The following ITFG1 variants were observed in gnomAD, a reference collection of about 807,000 sequenced individuals.
ITFG1 encodes the protein integrin alpha FG-GAP repeat containing 1, also known as T-cell immunomodulatory protein.
A neutral mutation model predicts 81.8 loss-of-function variants in ITFG1; 34 were observed. The observed-to-expected ratio is 0.42, with a 90% confidence interval of 0.32 to 0.55. The LOEUF (loss-of-function observed/expected upper bound fraction) is 0.55, where lower values mean the gene tolerates loss of function less well. ITFG1 is among the 20% of genes least tolerant of loss of function. ITFG1 has a pLI of 0.17. For synonymous variants in ITFG1, 285 were observed against 270.6 expected, an observed-to-expected ratio of 1.05 and a Z score of -0.52; for missense variants, 672 against 755.4, an observed-to-expected ratio of 0.89 and a Z score of 1.29.
intron 6 of ITFG1, among the ~76,000 whole-genome samples, chr16:47,422,017 T>G (rs1968956753): frequency 6.6e-6 from 1 of 152,230 alleles, no homozygotes; most frequent in East Asian, 1.9e-4. Context: ...CTCATCCTTT[T>G]TTATGGATGC....
chr16:47,202,767 G>A (rs1247571418), intron 14 of ITFG1, among the ~76,000 whole-genome samples: 1 of 151,994 alleles, frequency 6.6e-6, no homozygotes, highest in Non-Finnish European at 1.5e-5. Context: ...AATACAATAC[G>A]TGCAATATTG....
intron 10 of ITFG1, among the ~76,000 whole-genome samples, chr16:47,299,028 G>A (rs1967030114): frequency 6.6e-6 from 1 of 152,024 alleles, no homozygotes; most frequent in Non-Finnish European, 1.5e-5. Context: ...GAGGGGTGGT[G>A]GGGGAGTCCT....
At chr16:47,454,836 T>C (rs781098769) in intron 2 of ITFG1, among the ~76,000 whole-genome samples, 4 of 152,342 alleles carry the variant, frequency 2.6e-5, no homozygotes, top group South Asian at 2.1e-4. Context: ...TCTTATTATC[T>C]GAGCGACCCA....
At chr16:47,372,128 G>T (rs1398187591) in intron 7 of ITFG1, among the ~76,000 whole-genome samples, 1 of 151,992 alleles carries the variant, frequency 6.6e-6, no homozygotes, top group East Asian at 1.9e-4. Context: ...AGCCAGGATG[G>T]TCTCTGGTTT....
intron 6 of ITFG1, among the ~76,000 whole-genome samples, chr16:47,405,455 A>G (rs1333902496): frequency 1.3e-5 from 2 of 152,160 alleles, no homozygotes; most frequent in African/African-American, 4.8e-5. Flanking sequence ...TGTCTTAAAA[A>G]TATCTTTCAC....
intron 6 of ITFG1, among the ~76,000 whole-genome samples, chr16:47,396,547 A>T: frequency 8.0e-6 from 1 of 125,526 alleles, no homozygotes; most frequent in Admixed American, 7.3e-5. Flanking sequence ...TGTGTGTGAA[A>T]GAGAGAAAGA....
intron 14 of ITFG1, among the ~76,000 whole-genome samples, chr16:47,166,044 T>G (rs1679323244): frequency 6.6e-6 from 1 of 152,112 alleles, no homozygotes; most frequent in African/African-American, 2.4e-5. Context: ...CATTATATGC[T>G]CCTTTCTTTT....
At chr16:47,314,920 A>T (rs1366158745) in intron 8 of ITFG1, among the ~76,000 whole-genome samples, 2 of 152,172 alleles carry the variant, frequency 1.3e-5, no homozygotes, top group Non-Finnish European at 2.9e-5. Flanking sequence ...TGTAGTTATC[A>T]AAAGCCTATC....
chr16:47,373,805 T>C (rs1968289865), intron 7 of ITFG1, among the ~76,000 whole-genome samples: 1 of 152,246 alleles, frequency 6.6e-6, no homozygotes, highest in Non-Finnish European at 1.5e-5. Context: ...TTTGTTGAGC[T>C]TTCATTCTTC....
chr16:47,426,893 C>T (rs1174597393), intron 6 of ITFG1, among the ~76,000 whole-genome samples: 3 of 152,132 alleles, frequency 2.0e-5, no homozygotes, highest in Non-Finnish European at 4.4e-5. Flanking sequence ...AGCCACTAGG[C>T]CTGCTTTACT....
chr16:47,411,524 A>G (rs1165712368), intron 6 of ITFG1, among the ~76,000 whole-genome samples: 1 of 152,146 alleles, frequency 6.6e-6, no homozygotes, highest in East Asian at 1.9e-4. Flanking sequence ...CGCCCTGCCC[A>G]GAGGTCCCCT....
Position 47,155,563 on chromosome 16 carries a change from C to G in ITFG1, c.*156G>C. 1.8e-6 allele frequency: 1 copy of G among 562,620 alleles called. No individual in the cohort carries two copies. The allele number at this position is 562,620 out of a possible 1,614,324, so 34.9% of individuals were successfully genotyped here. A position where few individuals can be genotyped will look rare whatever the true frequency, so the allele number is the denominator to read the frequency against. On this transcript the variant is annotated 3_prime_UTR_variant, in exon 18 of 18. Coordinates refer to ENST00000320640, the MANE Select transcript of ITFG1 (RefSeq NM_030790.5). ...TGCTTTAAAAAAAAAGACCTTGTGACATATTCAAACCATATTTATTTGAAT... is the reference window on the plus strand; with the variant it reads ...TGCTTTAAAAAAAAAGACCTTGTGAGATATTCAAACCATATTTATTTGAAT...
intron 14 of ITFG1, among the ~76,000 whole-genome samples, chr16:47,176,072 A>G (rs1965020936): frequency 6.6e-6 from 1 of 152,172 alleles, no homozygotes; most frequent in Admixed American, 6.5e-5. Context: ...TTAATGAGGG[A>G]CGCCAATTTG....
chr16:47,159,648 G>GTAATA (rs769331534), intron 16 of ITFG1, among the ~76,000 whole-genome samples: 8 of 152,102 alleles, frequency 5.3e-5, no homozygotes, highest in Non-Finnish European at 8.8e-5. Flanking sequence ...AACAGTCCAT[G>GTAATA]TAATATAGCA....
At chr16:47,405,899 T>C (rs2151600874) in intron 6 of ITFG1, among the ~76,000 whole-genome samples, 1 of 152,226 alleles carries the variant, frequency 6.6e-6, no homozygotes, top group East Asian at 1.9e-4. Context: ...ATACTTATAA[T>C]TATGAAATAA....
At chr16:47,251,231 T>C (rs929154488) in intron 12 of ITFG1, among the ~76,000 whole-genome samples, 2 of 152,164 alleles carry the variant, frequency 1.3e-5, no homozygotes, top group African/African-American at 2.4e-5. Flanking sequence ...GGCTCTTGTG[T>C]CTCTTGCTAG....
chr16:47,412,797 C>A (rs1968828688), intron 6 of ITFG1, among the ~76,000 whole-genome samples: 1 of 151,264 alleles, frequency 6.6e-6, no homozygotes, highest in African/African-American at 2.4e-5. Flanking sequence ...TCCTTCAAAT[C>A]AACTCTGCCA....
At chr16:47,278,862 G>A (rs1165157702) in intron 10 of ITFG1, among the ~76,000 whole-genome samples, 1 of 152,122 alleles carries the variant, frequency 6.6e-6, no homozygotes, top group African/African-American at 2.4e-5. Flanking sequence ...TACAATTTAT[G>A]ATAAGGGAAT....
At chr16:47,351,083 G>A (rs553273402) in intron 8 of ITFG1, among the ~76,000 whole-genome samples, 167 of 152,244 alleles carry the variant, frequency 1.1e-3, no homozygotes, top group African/African-American at 3.9e-3. Flanking sequence ...AGCTATTTAT[G>A]ACAAAACCAC....
Sources: gnomAD v4.1 joint callset for allele counts (sites outside exome capture counted in the v4.1 genomes callset) on GRCh38, gnomAD v4.1.1 for gene constraint, MANE v1.5 for transcripts, NCBI Gene and HGNC (gene_info 2026-07-23, HGNC 2026-07-21) for gene names.